The following TYR variants were observed in gnomAD, a reference collection of about 807,000 sequenced individuals.
TYR encodes the protein LB24-AB.
TYR carries 58 observed loss-of-function variants against 51.5 expected under a neutral mutation model. The ratio of observed to expected loss-of-function variants is 1.13; its 90% confidence interval spans 0.91 to 1.40. TYR has a LOEUF of 1.40. Among genes scored for constraint, TYR ranks in the 40% most tolerant of loss-of-function variants. The pLI, the probability that TYR is intolerant of heterozygous loss-of-function variation, is 0.00. For synonymous variants in TYR, 263 were observed against 235.2 expected, an observed-to-expected ratio of 1.12 and a Z score of -1.08; for missense variants, 732 against 647.4, an observed-to-expected ratio of 1.13 and a Z score of -1.42.
chr11:89,294,559 G>A (rs1292908892), intron 4 of TYR, among the ~76,000 whole-genome samples: 1 of 152,184 alleles, frequency 6.6e-6, no homozygotes. Flanking sequence ...ACTGCGGCCC[G>A]GTAACCAAGA....
chr11:89,216,757 G>A (rs1342461764), intron 2 of TYR, among the ~76,000 whole-genome samples: 1 of 151,700 alleles, frequency 6.6e-6, no homozygotes, highest in Non-Finnish European at 1.5e-5. Context: ...TCAAGATCTG[G>A]TAGTGCAATT....
At chr11:89,199,321 G>A (rs900671146) in intron 2 of TYR, among the ~76,000 whole-genome samples, 1 of 152,120 alleles carries the variant, frequency 6.6e-6, no homozygotes, top group Non-Finnish European at 1.5e-5. Context: ...AGATCCCTGA[G>A]GAATCTAGTT....
intron 2 of TYR, among the ~76,000 whole-genome samples, chr11:89,201,742 T>C (rs139427175): frequency 6.6e-6 from 1 of 152,304 alleles, no homozygotes; most frequent in East Asian, 1.9e-4. Context: ...ATTAGGAAAA[T>C]AGTTTTGACA....
chr11:89,273,598 T>A (rs184049640), intron 3 of TYR, among the ~76,000 whole-genome samples: 138 of 152,038 alleles, frequency 9.1e-4, no homozygotes, highest in South Asian at 2.3e-3. Flanking sequence ...GAACACATGC[T>A]GTTGGAAAAA....
chr11:89,230,915 A>T (rs1027132428), intron 3 of TYR, among the ~76,000 whole-genome samples: 2 of 151,664 alleles, frequency 1.3e-5, no homozygotes, highest in Non-Finnish European at 2.9e-5. Context: ...TTAAAAAAAA[A>T]AAAAAGAGGG....
In TYR at chr11:89,181,740, G is replaced by A. The variant is rs963657583; in HGVS notation, c.819+2968G>A. Among the ~76,000 whole-genome samples the A allele has an allele frequency of 2.0e-5, 3 of 152,222 alleles. No individual in the cohort carries two copies. The East Asian group carries it at 5.8e-4, about 29-fold the overall frequency. On this transcript the variant is annotated intron_variant, in intron 1 of 4. Coordinates refer to ENST00000263321, the MANE Select transcript of TYR (RefSeq NM_000372.5). ...CATTTTATTAAAAAACTATAGAAAA[G>A]CCTAAAATGGTAGGATGATTGTCCA... is the stretch of plus-strand genomic sequence containing the variant.
At chr11:89,218,529 A>G (rs1053756115) in intron 2 of TYR, among the ~76,000 whole-genome samples, 1 of 152,158 alleles carries the variant, frequency 6.6e-6, no homozygotes, top group Non-Finnish European at 1.5e-5. Context: ...ACCAAGAATG[A>G]GCTGGAATAG....
At chr11:89,265,351 T>C (rs1944512979) in intron 3 of TYR, among the ~76,000 whole-genome samples, 4 of 151,862 alleles carry the variant, frequency 2.6e-5, no homozygotes. Flanking sequence ...CTGATAAGAG[T>C]TGTCACAACC....
chr11:89,281,143 T>C (rs899757113), intron 3 of TYR, among the ~76,000 whole-genome samples: 1 of 151,656 alleles, frequency 6.6e-6, no homozygotes, highest in Non-Finnish European at 1.5e-5. Flanking sequence ...GCCCCTCTAT[T>C]TGCTTCCCTG....
intron 2 of TYR, among the ~76,000 whole-genome samples, chr11:89,208,713 C>A (rs1032350874): frequency 6.6e-6 from 1 of 152,088 alleles, no homozygotes; most frequent in Admixed American, 6.5e-5. Context: ...CTAACATATA[C>A]CCAAATCCCT....
At chr11:89,210,390 G>C (rs56041721) in intron 2 of TYR, among the ~76,000 whole-genome samples, 1 of 43,342 alleles carries the variant, frequency 2.3e-5, no homozygotes, top group Non-Finnish European at 4.0e-5. Context: ...ATGAAATAAA[G>C]TAAGAAATAA....
chr11:89,260,782 C>G (rs1944447950), intron 3 of TYR, among the ~76,000 whole-genome samples: 1 of 152,076 alleles, frequency 6.6e-6, no homozygotes, highest in South Asian at 2.1e-4. Context: ...GGGACAATAA[C>G]AGCATAAAAA....
intron 1 of TYR, among the ~76,000 whole-genome samples, chr11:89,182,013 T>G (rs1943306741): frequency 6.6e-6 from 1 of 152,188 alleles, no homozygotes; most frequent in Non-Finnish European, 1.5e-5. Flanking sequence ...ATTCTGAGAC[T>G]TTTACTGATC....
intron 3 of TYR, among the ~76,000 whole-genome samples, chr11:89,231,214 A>C (rs1039981883): frequency 3.4e-5 from 5 of 149,216 alleles, no homozygotes; most frequent in African/African-American, 1.2e-4. Context: ...TGTACTGTTC[A>C]TGGGAATGTA....
intron 2 of TYR, among the ~76,000 whole-genome samples, chr11:89,209,634 C>A (rs76984420): frequency 1.3e-5 from 2 of 152,100 alleles, no homozygotes; most frequent in African/African-American, 4.8e-5. Flanking sequence ...GTTCGAGCTC[C>A]GATAATGGAC....
At chr11:89,212,203 T>C (rs777542947) in intron 2 of TYR, among the ~76,000 whole-genome samples, 7 of 151,410 alleles carry the variant, frequency 4.6e-5, no homozygotes, top group Non-Finnish European at 8.9e-5. Flanking sequence ...TTAGCAAGAC[T>C]AATAAAAGAG....
intron 3 of TYR, among the ~76,000 whole-genome samples, chr11:89,246,949 T>A (rs1944274386): frequency 1.3e-5 from 2 of 152,138 alleles, no homozygotes; most frequent in South Asian, 4.1e-4. Flanking sequence ...TGTCTTAAAG[T>A]CTATTCTAGC....
At chr11:89,259,612 C>T (rs544831700) in intron 3 of TYR, among the ~76,000 whole-genome samples, 25 of 152,064 alleles carry the variant, frequency 1.6e-4, no homozygotes, top group African/African-American at 6.0e-4. Context: ...AAAGTCAAAC[C>T]AGAGTTCATA....
intron 4 of TYR, among the ~76,000 whole-genome samples, chr11:89,288,671 A>C (rs1944821798): frequency 6.6e-6 from 1 of 152,072 alleles, no homozygotes; most frequent in East Asian, 1.9e-4. Flanking sequence ...TGGGAGGCTG[A>C]GGCAGGAGGT....
Sources: gnomAD v4.1 joint callset for allele counts (sites outside exome capture counted in the v4.1 genomes callset) on GRCh38, gnomAD v4.1.1 for gene constraint, MANE v1.5 for transcripts, NCBI Gene and HGNC (gene_info 2026-07-23, HGNC 2026-07-21) for gene names.